RAP1B: variants seen among roughly 807,000 people sequenced by gnomAD.
The protein encoded by RAP1B is RAP1B, member of RAS oncogene family.
Under a neutral mutation model 27.5 loss-of-function variants are expected in RAP1B, and 1 was observed. The ratio of observed to expected loss-of-function variants is 0.04; its 90% CI spans 0.01 to 0.17. RAP1B has a LOEUF of 0.17. Ranked by LOEUF, RAP1B falls within the 10% of genes least tolerant of loss-of-function variation. The pLI is 1.00. For missense variants in RAP1B, 84 were observed against 214.8 expected, an observed-to-expected ratio of 0.39 and a Z score of 3.81; for synonymous variants, 75 against 73.1, an observed-to-expected ratio of 1.03 and a Z score of -0.13.
intron 1 of RAP1B, chr12:68,621,347 G>A (rs1235860859): frequency 6.6e-6 from 1 of 152,116 alleles, no homozygotes; most frequent in Admixed American, 6.5e-5. Context: ...TCACAAGGTT[G>A]TCACTGACTA....
intron 1 of RAP1B, among the ~76,000 whole-genome samples, chr12:68,623,731 G>T (rs1007490492): frequency 6.6e-6 from 1 of 152,218 alleles, no homozygotes; most frequent in Non-Finnish European, 1.5e-5. Context: ...TCTATAAGAA[G>T]TCGGTTTCAG....
intron 1 of RAP1B, chr12:68,627,279 C>T (rs1341386460): frequency 2.2e-6 from 2 of 891,118 alleles, no homozygotes; most frequent in African/African-American, 3.3e-5. Flanking sequence ...ATACAACACA[C>T]AGGCTGCATA....
At chr12:68,615,884 G>T (rs1870953706) in intron 1 of RAP1B, among the ~76,000 whole-genome samples, 2 of 152,158 alleles carry the variant, frequency 1.3e-5, no homozygotes, top group Non-Finnish European at 2.9e-5. Context: ...CCGGTACTGG[G>T]GGATTGAATG....
In RAP1B at chr12:68,648,696, A is replaced by G; in HGVS notation, c.-26-3A>G. The G allele has an allele frequency of 6.3e-7, 1 of 1,598,108 alleles. No homozygotes were observed. Among genetic ancestry groups the G allele is most frequent in the Non-Finnish European group, 8.5e-7 (1 of 1,172,262 alleles). ...ATTCTTTTTTTTTTTTTCCTTTAAT[A>G]AGGTACTAGGTTTTGACAAGCTTGC... is the stretch of plus-strand genomic sequence containing the variant. On this transcript the variant is annotated splice_polypyrimidine_tract_variant and splice_region_variant and intron_variant, in intron 1 of 7. Coordinates refer to ENST00000250559, the MANE Select transcript of RAP1B (RefSeq NM_001010942.3).
chr12:68,635,722 T>C (rs1872587438), intron 1 of RAP1B, among the ~76,000 whole-genome samples: 4 of 152,002 alleles, frequency 2.6e-5, no homozygotes, highest in African/African-American at 7.2e-5. Flanking sequence ...CCCAAAGTGC[T>C]GGGATTACAG....
chr12:68,663,883 C>G lies in RAP1B; in HGVS notation c.*4634C>G, dbSNP rs1874734128. On this transcript the variant is annotated 3_prime_UTR_variant, in exon 8 of 8. Transcript: ENST00000250559. ...TGAACAAAGCTCTATTGGTAACAGT[C>G]TGTTAAACTTTCTAAGAGCTTTCCA... 1 of 152,150 alleles carries G rather than the reference C, an allele frequency of 6.6e-6. No homozygotes were observed. Among genetic ancestry groups the G allele is most frequent in the African/African-American group, 2.4e-5 (1 of 41,442 alleles). The allele number at this position is 152,150 out of a possible 1,614,324, so 9.4% of individuals were successfully genotyped here. A position where few individuals can be genotyped will look rare whatever the true frequency, so the allele number is the denominator to read the frequency against.
At position 68,667,972 on chromosome 12, in the gene RAP1B, C is replaced by T. The variant is rs1262221196; in HGVS notation, c.*8723C>T. The T allele has an allele frequency of 6.6e-6, 1 of 152,106 alleles. No individual in the cohort carries two copies. Among genetic ancestry groups the T allele is most frequent in the African/African-American group, 2.4e-5 (1 of 41,408 alleles). 9.4% of individuals were successfully genotyped at this position (152,106 alleles called of 1,614,324 possible). On this transcript the variant is annotated 3_prime_UTR_variant, in exon 8 of 8. Coordinates refer to ENST00000250559, the MANE Select transcript of RAP1B (RefSeq NM_001010942.3). ...AGGACATCATTGGCCACTATCATAC[C>T]ACTAATTTTATTCCACCAATGCTTT...
chr12:68,648,632 T>G (rs938955326), intron 1 of RAP1B, 67 bp from the exon 2 acceptor site: 7 of 1,251,572 alleles, frequency 5.6e-6, no homozygotes, highest in Non-Finnish European at 7.9e-6. Context: ...GAATGTTTTA[T>G]TTCTGTGAAA....
At chr12:68,648,888 CT>C in intron 2 of RAP1B, 107 bp downstream of exon 2, 1 of 974,616 alleles carries the variant, frequency 1.0e-6, no homozygotes, top group Non-Finnish European at 1.5e-6. Flanking sequence ...TCCTTAATGA[CT>C]TTAGAAGCAA....
At chr12:68,639,483 T>C (rs1872844521) in intron 1 of RAP1B, among the ~76,000 whole-genome samples, 2 of 152,342 alleles carry the variant, frequency 1.3e-5, no homozygotes, top group Admixed American at 6.5e-5. Flanking sequence ...GTATTTGGTA[T>C]AACTTGTCAT....
At chr12:68,627,452 G>T (rs568800163) in intron 1 of RAP1B, 39 of 336,516 alleles carry the variant, frequency 1.2e-4, no homozygotes, top group South Asian at 4.2e-4. Flanking sequence ...AGTGTTAGGA[G>T]TATAAATGGT....
chr12:68,634,379 T>A (rs1872484190), intron 1 of RAP1B, among the ~76,000 whole-genome samples: 1 of 152,194 alleles, frequency 6.6e-6, no homozygotes, highest in African/African-American at 2.4e-5. Flanking sequence ...TAGAACTGAT[T>A]CCAACCCAGA....
chr12:68,664,686 G>C lies in RAP1B; in HGVS notation c.*5437G>C, dbSNP rs1874772812. 6.6e-6 allele frequency: 1 copy of C among 151,482 alleles called. No homozygotes were observed. 9.4% of individuals were successfully genotyped at this position (151,482 alleles called of 1,614,324 possible). ...ATCACACCACTGCACTTCAGCATGG[G>C]CAACAGAGTGAGACTGCAAAAAAAA... On this transcript the variant is annotated 3_prime_UTR_variant, in exon 8 of 8. Coordinates refer to ENST00000250559, the MANE Select transcript of RAP1B (RefSeq NM_001010942.3).
chr12:68,652,980 G>C (rs768156513), intron 4 of RAP1B, among the ~76,000 whole-genome samples: 3 of 152,130 alleles, frequency 2.0e-5, no homozygotes, highest in South Asian at 4.1e-4. Flanking sequence ...GAGGTCAAAG[G>C]GGGGTGGATC....
chr12:68,634,587 T>TA (rs1194566524), intron 1 of RAP1B, among the ~76,000 whole-genome samples: 7 of 150,062 alleles, frequency 4.7e-5, no homozygotes, highest in African/African-American at 1.5e-4. Flanking sequence ...ATATTATTAT[T>TA]TTTTTTTTTA....
chr12:68,653,925 G>A (rs886278178), intron 4 of RAP1B, among the ~76,000 whole-genome samples, 187 bp from the exon 5 acceptor site: 5 of 149,868 alleles, frequency 3.3e-5, no homozygotes, highest in East Asian at 1.9e-4. Flanking sequence ...GCAAGACTCC[G>A]TCTCAAAAAA....
At chr12:68,645,486 A>G (rs892936967) in intron 1 of RAP1B, among the ~76,000 whole-genome samples, 1 of 152,074 alleles carries the variant, frequency 6.6e-6, no homozygotes, top group Non-Finnish European at 1.5e-5. Flanking sequence ...ACATATTTCA[A>G]AGTGCTCATT....
chr12:68,653,920 ACTCCGT>A (rs1489944953), intron 4 of RAP1B, among the ~76,000 whole-genome samples, 186 bp from the exon 5 acceptor site: 4 of 150,778 alleles, frequency 2.7e-5, no homozygotes, highest in African/African-American at 4.9e-5. Context: ...ACAGAGCAAG[ACTCCGT>A]CTCAAAAAAA....
chr12:68,656,047 T>C (rs918995812), intron 5 of RAP1B, among the ~76,000 whole-genome samples: 2 of 152,220 alleles, frequency 1.3e-5, no homozygotes, highest in African/African-American at 4.8e-5. Context: ...GAGTTTTCTT[T>C]CTCTCTTTTC....
Sources: gnomAD v4.1 joint callset for allele counts (sites outside exome capture counted in the v4.1 genomes callset) on GRCh38, gnomAD v4.1.1 for gene constraint, MANE v1.5 for transcripts, NCBI Gene and HGNC (gene_info 2026-07-23, HGNC 2026-07-21) for gene names.